The following VWC2 variants were observed in gnomAD, a reference collection of about 807,000 sequenced individuals.
VWC2 encodes von Willebrand factor C domain containing 2.
Under a neutral mutation model 29.8 loss-of-function variants are expected in VWC2, and 14 were observed. The ratio of observed to expected loss-of-function variants is 0.47; its 90% CI spans 0.31 to 0.74. The LOEUF (loss-of-function observed/expected upper bound fraction) is 0.74. Ranked by LOEUF, VWC2 falls within the 30% of genes least tolerant of loss-of-function variation. The probability of loss-of-function intolerance (pLI) is 0.05; values close to 1 mark genes in which losing one functional copy is unlikely to be tolerated. For synonymous variants in VWC2, 213 were observed against 199.0 expected (o/e 1.07, Z -0.59); for missense variants, 457 against 459.8 (o/e 0.99, Z 0.05).
intron 3 of VWC2, among the ~76,000 whole-genome samples, chr7:49,831,879 G>A (rs892987246): frequency 6.6e-6 from 1 of 152,204 alleles, no homozygotes; most frequent in African/African-American, 2.4e-5. Flanking sequence ...GGCAAAAAGA[G>A]TTTCTTTCTT....
intron 3 of VWC2, among the ~76,000 whole-genome samples, chr7:49,803,928 T>A (rs992675020): frequency 2.0e-5 from 3 of 152,172 alleles, no homozygotes; most frequent in African/African-American, 7.2e-5. Flanking sequence ...GAGGGAATGA[T>A]GTTGCTGTTG....
At chr7:49,813,239 GGCACTGCATACTGCTAAAACTGCA>G (rs1317489310) in intron 3 of VWC2, among the ~76,000 whole-genome samples, 1 of 152,236 alleles carries the variant, frequency 6.6e-6, no homozygotes, top group African/African-American at 2.4e-5. Context: ...CTCTCCTGCA[GGCACTGCATACTGCTAAAACTGCA>G]GAGCCCGCAA....
intron 3 of VWC2, among the ~76,000 whole-genome samples, chr7:49,819,213 A>T (rs758244459): frequency 8.5e-5 from 13 of 152,144 alleles, no homozygotes; most frequent in Non-Finnish European, 1.5e-4. Flanking sequence ...TGCTTACTCC[A>T]TCCAGAATGC....
In VWC2 at chr7:49,921,131, G is replaced by C. The variant is rs1562777029; in HGVS notation, c.*8946G>C. On this transcript the variant is annotated 3_prime_UTR_variant, in exon 4 of 4. Coordinates refer to ENST00000340652, the MANE Select transcript of VWC2 (RefSeq NM_198570.5). ...TGACAGATGGAGAACACTGTGCTTA[G>C]TGTTGAAGATACCAAAGGGAATTCA... 1 of 152,204 alleles carries C rather than the reference G, an allele frequency of 6.6e-6. No individual in the cohort carries two copies. The highest frequency in any genetic ancestry group is 1.9e-4 in the East Asian group (1 of 5,206). The allele number at this position is 152,204 out of a possible 1,614,324, so 9.4% of individuals were successfully genotyped here.
intron 2 of VWC2, 50 bp from the exon 3 acceptor site, chr7:49,802,661 G>A: frequency 6.2e-7 from 1 of 1,611,510 alleles, no homozygotes; most frequent in South Asian, 1.1e-5. Flanking sequence ...TGACCCTGTA[G>A]GATAAACATG....
intron 3 of VWC2, among the ~76,000 whole-genome samples, chr7:49,829,004 G>A (rs1019262266): frequency 6.6e-6 from 1 of 152,104 alleles, no homozygotes; most frequent in Non-Finnish European, 1.5e-5. Context: ...CAAGGCTCTT[G>A]CCCACAGCTC....
Position 49,814,701 on chromosome 7 carries a change from G to A in VWC2, c.826+11861G>A, listed in dbSNP as rs576345843. On this transcript the variant is annotated intron_variant, in intron 3 of 3. Transcript: ENST00000340652. ...CTCAAGACAAACTTCCCATGCCTTTGGGAATGGATTTCAGACAAAGCCAGG... is the reference window on the plus strand; with the variant it reads ...CTCAAGACAAACTTCCCATGCCTTTAGGAATGGATTTCAGACAAAGCCAGG... Among the ~76,000 whole-genome samples the A allele has an allele frequency of 7.9e-5, 12 of 152,256 alleles. No individual in the cohort carries two copies. The South Asian group carries it at 1.9e-3, about 24-fold the overall frequency.
At chr7:49,828,857 T>C (rs549098680) in intron 3 of VWC2, among the ~76,000 whole-genome samples, 3 of 152,328 alleles carry the variant, frequency 2.0e-5, no homozygotes, top group Admixed American at 2.0e-4. Context: ...TGGGCCACTG[T>C]ACCCTGCCCT....
chr7:49,843,769 C>T (rs140305603), intron 3 of VWC2, among the ~76,000 whole-genome samples: 1 of 152,148 alleles, frequency 6.6e-6, no homozygotes, highest in African/African-American at 2.4e-5. Context: ...TTGCCCCCAG[C>T]GCTACAGGGC....
At chr7:49,845,855 G>A (rs1014557728) in intron 3 of VWC2, among the ~76,000 whole-genome samples, 9 of 152,206 alleles carry the variant, frequency 5.9e-5, no homozygotes, top group Admixed American at 2.0e-4. Flanking sequence ...AAGGAAGAGC[G>A]AGTGAGTTAG....
intron 1 of VWC2, 88 bp from the exon 2 acceptor site, chr7:49,775,245 G>C: frequency 3.4e-6 from 1 of 294,552 alleles, no homozygotes; most frequent in Non-Finnish European, 6.1e-6. Flanking sequence ...CGTTAATCTA[G>C]AGCTATGCCG....
rs567997433 is a variant in VWC2 at position 49,877,369 on chromosome 7, A to G, written c.827-34665A>G. Among the ~76,000 whole-genome samples the G allele has an allele frequency of 2.7e-5, 4 of 147,502 alleles. No individual in the cohort carries two copies. The South Asian group carries it at 8.7e-4, about 32-fold the overall frequency. On this transcript the variant is annotated intron_variant, in intron 3 of 3. Coordinates refer to ENST00000340652, the MANE Select transcript of VWC2 (RefSeq NM_198570.5). ...CCCAGCTACTTGGGAGGCTGAGACA[A>G]GAGAATCACTTGAACCTGGGAGGCA...
At chr7:49,895,465 C>T (rs1212452273) in intron 3 of VWC2, among the ~76,000 whole-genome samples, 3 of 152,166 alleles carry the variant, frequency 2.0e-5, no homozygotes, top group Admixed American at 6.5e-5. Context: ...ACAAAAAAAC[C>T]CTTCACAATG....
In VWC2 at chr7:49,919,060, A is replaced by T. The variant is rs1038401584; in HGVS notation, c.*6875A>T. The stretch of plus-strand genomic sequence containing the variant: ...ACAGAGCAAGACTCTGTTTAAAAAA[A>T]AAAAAAAAATCAGTGATGGAACTGA... On this transcript the variant is annotated 3_prime_UTR_variant, in exon 4 of 4. Transcript: ENST00000340652. The T allele has an allele frequency of 1.3e-5, 2 of 151,706 alleles. No individual in the cohort carries two copies. Among genetic ancestry groups the T allele is most frequent in the Non-Finnish European group, 2.9e-5 (2 of 68,060 alleles). 9.4% of individuals were successfully genotyped at this position (151,706 alleles called of 1,614,324 possible). A position where few individuals can be genotyped will look rare whatever the true frequency, so the allele number is the denominator to read the frequency against.
intron 3 of VWC2, among the ~76,000 whole-genome samples, chr7:49,906,833 C>G (rs544320369): frequency 6.6e-6 from 1 of 152,066 alleles, no homozygotes; most frequent in Non-Finnish European, 1.5e-5. Flanking sequence ...CATTTTAACA[C>G]TTGATGTTTT....
intron 3 of VWC2, among the ~76,000 whole-genome samples, chr7:49,874,670 T>C (rs1177010945): frequency 1.3e-5 from 2 of 152,202 alleles, no homozygotes; most frequent in Non-Finnish European, 2.9e-5. Flanking sequence ...TTTTCTGGAA[T>C]TTATAAAATT....
At chr7:49,858,344 G>T (rs1790508235) in intron 3 of VWC2, among the ~76,000 whole-genome samples, 1 of 151,972 alleles carries the variant, frequency 6.6e-6, no homozygotes, top group African/African-American at 2.4e-5. Context: ...AGAAAATGTG[G>T]CACATATACA....
chr7:49,848,607 C>T (rs997751060), intron 3 of VWC2, among the ~76,000 whole-genome samples: 1 of 152,208 alleles, frequency 6.6e-6, no homozygotes, highest in Non-Finnish European at 1.5e-5. Context: ...GCCATCTTTT[C>T]CCTTTCTCCA....
intron 3 of VWC2, among the ~76,000 whole-genome samples, chr7:49,848,667 G>A (rs909334726): frequency 2.0e-5 from 3 of 152,278 alleles, no homozygotes; most frequent in Admixed American, 6.5e-5. Context: ...ATTGACTGTC[G>A]TTTCTCACCT....
Sources: gnomAD v4.1 joint callset for allele counts (sites outside exome capture counted in the v4.1 genomes callset) on GRCh38, gnomAD v4.1.1 for gene constraint, MANE v1.5 for transcripts, NCBI Gene and HGNC (gene_info 2026-07-23, HGNC 2026-07-21) for gene names.